CADM2: variants seen among roughly 807,000 people sequenced by gnomAD.
The protein encoded by CADM2 is cell adhesion molecule 2.
CADM2 carries 12 observed loss-of-function variants against 49.8 expected under a neutral mutation model. The observed-to-expected ratio is 0.24, with a 90% CI of 0.15 to 0.39. CADM2 has a LOEUF of 0.39. Ranked by LOEUF, CADM2 falls within the 10% of genes least tolerant of loss-of-function variation. The probability of loss-of-function intolerance (pLI) is 1.00; values close to 1 mark genes in which losing one functional copy is unlikely to be tolerated. For missense variants in CADM2, 378 were observed against 492.3 expected (o/e 0.77, Z 2.20); for synonymous variants, 214 against 175.4 (o/e 1.22, Z -1.74).
At chr3:85,297,955 A>T (rs1352932906) in intron 1 of CADM2, among the ~76,000 whole-genome samples, 3 of 152,066 alleles carry the variant, frequency 2.0e-5, no homozygotes, top group African/African-American at 7.2e-5. Context: ...AAGAAATAAA[A>T]AACTGAAGAC....
At chr3:85,322,688 A>C (rs11719276) in intron 1 of CADM2, among the ~76,000 whole-genome samples, 1 of 152,210 alleles carries the variant, frequency 6.6e-6, no homozygotes, top group East Asian at 1.9e-4. Context: ...ATTTTTAAAA[A>C]TTATTTTTCT....
At chr3:85,021,631 C>T (rs902078458) in intron 1 of CADM2, among the ~76,000 whole-genome samples, 1 of 152,080 alleles carries the variant, frequency 6.6e-6, no homozygotes, top group Non-Finnish European at 1.5e-5. Flanking sequence ...AAAAATTAGC[C>T]AGGCGTGGTG....
At chr3:85,384,711 G>A (rs2034118234) in intron 1 of CADM2, among the ~76,000 whole-genome samples, 2 of 150,484 alleles carry the variant, frequency 1.3e-5, no homozygotes, top group African/African-American at 4.9e-5. Context: ...ACTTGTGTGT[G>A]TATATATATA....
chr3:85,517,361 A>ATTT (rs1475416854), intron 1 of CADM2, among the ~76,000 whole-genome samples: 5 of 152,062 alleles, frequency 3.3e-5, no homozygotes, highest in Admixed American at 2.0e-4. Flanking sequence ...CAGATTATTA[A>ATTT]AGTACTAAGA....
intron 1 of CADM2, among the ~76,000 whole-genome samples, chr3:85,045,750 A>G (rs1576106384): frequency 1.3e-5 from 2 of 152,088 alleles, no homozygotes; most frequent in African/African-American, 2.4e-5. Flanking sequence ...CAAATATTCA[A>G]CACTCCCCTG....
intron 8 of CADM2, among the ~76,000 whole-genome samples, chr3:85,977,591 T>C (rs898802529): frequency 6.6e-6 from 1 of 151,624 alleles, no homozygotes; most frequent in Non-Finnish European, 1.5e-5. Context: ...GCCTAAACTG[T>C]TTAAGAAATC....
intron 1 of CADM2, among the ~76,000 whole-genome samples, chr3:85,684,928 G>T (rs867701826): frequency 4.6e-5 from 7 of 152,208 alleles, no homozygotes; most frequent in Middle Eastern, 3.4e-3. Context: ...ATAATCTAAA[G>T]TCCCCAGACA....
intron 8 of CADM2, among the ~76,000 whole-genome samples, chr3:86,044,005 C>CAT (rs199836837): frequency 0.065 from 9,943 of 152,164 alleles, 861 homozygotes; most frequent in African/African-American, 0.19. Flanking sequence ...ACTGGCTAGC[C>CAT]ATATGTAGAA....
chr3:85,121,545 C>T lies in CADM2; in HGVS notation c.61+161877C>T, dbSNP rs143322298. Among the ~76,000 whole-genome samples the T allele has an allele frequency of 1.2e-4, 19 of 152,212 alleles. No homozygotes were observed. The East Asian group carries it at 3.3e-3, about 26-fold the overall frequency. On this transcript the variant is annotated intron_variant, in intron 1 of 9. Transcript: ENST00000383699. ...GTACTCACGCTTAGCACACAAAGAACGTGATCATGAAATGCTGACTCAAAT... is the reference window on the plus strand; with the variant it reads ...GTACTCACGCTTAGCACACAAAGAATGTGATCATGAAATGCTGACTCAAAT...
At position 85,392,746 on chromosome 3, in the gene CADM2, TTA is replaced by T. The variant is rs200571016; in HGVS notation, c.62-333775_62-333774del. Among the ~76,000 whole-genome samples the T allele has an allele frequency of 5.6e-3, 846 of 152,224 alleles. 29 individuals are homozygous for T. Among genetic ancestry groups the T allele is most frequent in the Admixed American group, 0.049 (742 of 15,286 alleles). On this transcript the variant is annotated intron_variant, in intron 1 of 9. Transcript: ENST00000383699. Reference sequence around the variant, plus strand: ...TGGACAGCTTGATTTTGTAATGAGCTTAATAAACTTAGAAAATCCATTTAAAT... The same window carrying T: ...TGGACAGCTTGATTTTGTAATGAGCTATAAACTTAGAAAATCCATTTAAAT...
In CADM2 at chr3:85,944,672, G is replaced by A. The variant is rs927992416; in HGVS notation, c.791+8815G>A. ...CTGAACAAACAACCTGCTCCTGAAT[G>A]ACTACTGGGTACATAATGAAATGAA... is the stretch of plus-strand genomic sequence containing the variant. On this transcript the variant is annotated intron_variant, in intron 7 of 9. Transcript: ENST00000383699. 1.1e-4 allele frequency among the ~76,000 whole-genome samples: 17 copies of A among 152,186 alleles called. 1 individual carries two copies. Among genetic ancestry groups the A allele is most frequent in the African/African-American group, 3.9e-4 (16 of 41,540 alleles).
At chr3:85,648,746 T>C (rs1259520543) in intron 1 of CADM2, among the ~76,000 whole-genome samples, 1 of 152,058 alleles carries the variant, frequency 6.6e-6, no homozygotes, top group Non-Finnish European at 1.5e-5. Context: ...TGGCTTAGTT[T>C]TACACACATT....
intron 1 of CADM2, among the ~76,000 whole-genome samples, chr3:85,614,476 T>G (rs1354057349): frequency 6.6e-6 from 1 of 151,790 alleles, no homozygotes; most frequent in Non-Finnish European, 1.5e-5. Context: ...TAAAAAGAAT[T>G]TAGGTAGTCC....
chr3:84,978,837 T>C (rs180942827), intron 1 of CADM2, among the ~76,000 whole-genome samples: 1 of 152,274 alleles, frequency 6.6e-6, no homozygotes, highest in African/African-American at 2.4e-5. Flanking sequence ...TTTAGCAAAA[T>C]TGGATGTAAC....
intron 5 of CADM2, among the ~76,000 whole-genome samples, chr3:85,891,337 A>C (rs565964200): frequency 6.6e-6 from 1 of 152,322 alleles, no homozygotes; most frequent in East Asian, 1.9e-4. Flanking sequence ...TTGCTATTAC[A>C]AAACCATGAG....
intron 1 of CADM2, among the ~76,000 whole-genome samples, chr3:84,961,799 G>A (rs529103714): frequency 1.6e-4 from 24 of 152,310 alleles, no homozygotes; most frequent in Admixed American, 1.4e-3. Flanking sequence ...CTGGGCTGCT[G>A]CGAAATTATT....
chr3:85,428,178 G>A (rs1417782482), intron 1 of CADM2, among the ~76,000 whole-genome samples: 1 of 150,802 alleles, frequency 6.6e-6, no homozygotes, highest in African/African-American at 2.4e-5. Context: ...GACCAAAAGT[G>A]TGTGTATAAT....
intron 1 of CADM2, among the ~76,000 whole-genome samples, chr3:85,095,652 A>C (rs2037767340): frequency 6.6e-6 from 1 of 152,186 alleles, no homozygotes; most frequent in Non-Finnish European, 1.5e-5. Flanking sequence ...ATTAGTATAC[A>C]ACTAATAACC....
intron 7 of CADM2, among the ~76,000 whole-genome samples, chr3:85,936,228 G>A (rs1001665682): frequency 2.6e-5 from 4 of 151,552 alleles, no homozygotes; most frequent in African/African-American, 4.8e-5. Flanking sequence ...CCCAAAATAC[G>A]CCCAAGTTTT....
Sources: allele counts gnomAD v4.1 joint callset (sites outside exome capture counted in the v4.1 genomes callset), GRCh38; gene constraint gnomAD v4.1.1; transcripts MANE v1.5; gene names NCBI Gene and HGNC (gene_info 2026-07-23, HGNC 2026-07-21).